Variants in SMYD3 observed in about 807,000 individuals in gnomAD.
The protein encoded by SMYD3 is histone-lysine N-methyltransferase SMYD3.
SMYD3 carries 36 observed loss-of-function variants against 57.7 expected under a neutral mutation model. The observed-to-expected ratio is 0.62, with a 90% CI of 0.48 to 0.82. The LOEUF (loss-of-function observed/expected upper bound fraction) is 0.82. Among genes scored for constraint, SMYD3 ranks in the 40% least tolerant of loss-of-function variants. The pLI, the probability that SMYD3 is intolerant of heterozygous loss-of-function variation, is 0.00. For synonymous variants in SMYD3, 211 were observed against 195.0 expected, an observed-to-expected ratio of 1.08 and a Z score of -0.68; for missense variants, 515 against 538.8, an observed-to-expected ratio of 0.96 and a Z score of 0.44.
At chr1:246,212,554 T>G (rs11585648) in intron 5 of SMYD3, among the ~76,000 whole-genome samples, 8,824 of 151,840 alleles carry the variant, frequency 0.058, 429 homozygotes, top group African/African-American at 0.12. Context: ...CTAGGTTTTT[T>G]GTATTGACTG....
chr1:246,397,108 G>A (rs2066685599), intron 1 of SMYD3, among the ~76,000 whole-genome samples: 2 of 152,312 alleles, frequency 1.3e-5, no homozygotes, highest in Non-Finnish European at 2.9e-5. Context: ...TCTGTTGCCT[G>A]TTAGAAACCT....
intron 5 of SMYD3, among the ~76,000 whole-genome samples, chr1:246,225,640 T>C (rs143548970): frequency 6.6e-6 from 1 of 152,298 alleles, no homozygotes; most frequent in African/African-American, 2.4e-5. Context: ...CTGGAGCATC[T>C]GTAATCATCT....
At chr1:245,765,045 TACACACACACACACACAC>T (rs3085339) in intron 10 of SMYD3, among the ~76,000 whole-genome samples, 4 of 134,746 alleles carry the variant, frequency 3.0e-5, no homozygotes, top group Admixed American at 2.4e-4. Context: ...TGGAAATGCC[TACACACACACACACACAC>T]ACACACACAC....
chr1:246,066,922 T>C (rs2060351673), intron 5 of SMYD3, among the ~76,000 whole-genome samples: 1 of 152,246 alleles, frequency 6.6e-6, no homozygotes, highest in Non-Finnish European at 1.5e-5. Context: ...CTGGTGTGAT[T>C]GTGATTTTAT....
At chr1:246,394,726 G>A (rs1572456900) in intron 1 of SMYD3, among the ~76,000 whole-genome samples, 1 of 150,104 alleles carries the variant, frequency 6.7e-6, no homozygotes, top group African/African-American at 2.5e-5. Context: ...ACCTAGCTAT[G>A]CCTTATTATG....
intron 10 of SMYD3, among the ~76,000 whole-genome samples, chr1:245,844,016 T>TA (rs773325352): frequency 2.0e-5 from 3 of 152,192 alleles, no homozygotes; most frequent in Non-Finnish European, 4.4e-5. Flanking sequence ...CCTGAGGTGT[T>TA]ACAAACTGTT....
chr1:246,046,464 G>A (rs1303376562), intron 5 of SMYD3, among the ~76,000 whole-genome samples: 3 of 151,814 alleles, frequency 2.0e-5, no homozygotes, highest in Admixed American at 1.3e-4. Context: ...ATCACACACC[G>A]GGGCCTGTCA....
At chr1:246,463,709 G>A (rs1485625025) in intron 1 of SMYD3, among the ~76,000 whole-genome samples, 6 of 146,994 alleles carry the variant, frequency 4.1e-5, no homozygotes, top group African/African-American at 1.0e-4. Context: ...TGTGGCGGGC[G>A]CCTGTAGTCC....
chr1:245,874,947 C>G (rs2052410124), intron 8 of SMYD3, among the ~76,000 whole-genome samples: 1 of 152,200 alleles, frequency 6.6e-6, no homozygotes, highest in Admixed American at 6.5e-5. Context: ...TTCCATGGTA[C>G]AGCTCTTTTG....
intron 1 of SMYD3, among the ~76,000 whole-genome samples, chr1:246,440,333 T>G (rs969762865): frequency 2.0e-5 from 3 of 152,108 alleles, no homozygotes; most frequent in African/African-American, 7.2e-5. Flanking sequence ...AAAAGATACC[T>G]CCCACAAATT....
At chr1:245,921,569 A>ATATATATATATATATATATATG (rs2055951830) in intron 7 of SMYD3, among the ~76,000 whole-genome samples, 1 of 149,388 alleles carries the variant, frequency 6.7e-6, no homozygotes, top group Non-Finnish European at 1.5e-5. Context: ...ATATATATAT[A>ATATATATATATATATATATATG]TACACATACC....
chr1:246,373,018 T>A (rs1247467490), intron 1 of SMYD3, among the ~76,000 whole-genome samples: 1 of 152,124 alleles, frequency 6.6e-6, no homozygotes, highest in African/African-American at 2.4e-5. Flanking sequence ...AAAGGTATTC[T>A]AATCATAATA....
At chr1:245,780,255 C>G (rs557708587) in intron 10 of SMYD3, among the ~76,000 whole-genome samples, 4 of 152,024 alleles carry the variant, frequency 2.6e-5, no homozygotes, top group Admixed American at 2.0e-4. Context: ...TTCATAATGG[C>G]CCAGAAATGG....
At chr1:246,378,236 C>T (rs1373249714) in intron 1 of SMYD3, among the ~76,000 whole-genome samples, 1 of 152,068 alleles carries the variant, frequency 6.6e-6, no homozygotes, top group African/African-American at 2.4e-5. Flanking sequence ...TGCCACGTGG[C>T]CTGGAATTAA....
chr1:246,148,064 C>T (rs1251436702), intron 5 of SMYD3, among the ~76,000 whole-genome samples: 1 of 151,500 alleles, frequency 6.6e-6, no homozygotes, highest in Non-Finnish European at 1.5e-5. Context: ...CGGCAGTCCC[C>T]GTAAGGCCCC....
At chr1:246,362,111 C>T (rs2065997502) in intron 1 of SMYD3, among the ~76,000 whole-genome samples, 1 of 152,044 alleles carries the variant, frequency 6.6e-6, no homozygotes, top group South Asian at 2.1e-4. Flanking sequence ...ACATAAAATT[C>T]ACTATTTTAA....
At chr1:246,095,747 C>T (rs942357345) in intron 5 of SMYD3, among the ~76,000 whole-genome samples, 2 of 152,194 alleles carry the variant, frequency 1.3e-5, no homozygotes, top group East Asian at 3.9e-4. Flanking sequence ...CATGGCGGCA[C>T]GTGCCACAGT....
intron 8 of SMYD3, among the ~76,000 whole-genome samples, chr1:245,896,389 CAAA>C (rs3052904): frequency 3.5e-4 from 26 of 73,724 alleles, no homozygotes; most frequent in East Asian, 3.2e-3. Context: ...TTTGCCAAGT[CAAA>C]AAAAAAAAAA....
At chr1:245,771,073 C>A (rs1424970191) in intron 10 of SMYD3, among the ~76,000 whole-genome samples, 1 of 151,898 alleles carries the variant, frequency 6.6e-6, no homozygotes, top group African/African-American at 2.4e-5. Context: ...CACACATATA[C>A]ATACATACAT....
Sources: allele counts gnomAD v4.1 joint callset (sites outside exome capture counted in the v4.1 genomes callset), GRCh38; gene constraint gnomAD v4.1.1; transcripts MANE v1.5; gene names NCBI Gene and HGNC (gene_info 2026-07-23, HGNC 2026-07-21).